The following ADGRG6 variants were observed in gnomAD, a reference collection of about 807,000 sequenced individuals.
ADGRG6 encodes the protein G-protein coupled receptor 126.
ADGRG6 carries 84 observed loss-of-function variants against 142.4 expected under a neutral mutation model. The observed-to-expected ratio is 0.59, with a 90% CI of 0.49 to 0.71. The LOEUF (loss-of-function observed/expected upper bound fraction) is 0.71, where lower values mean the gene tolerates loss of function less well. Ranked by LOEUF, ADGRG6 falls within the 30% of genes least tolerant of loss-of-function variation. The pLI, the probability that ADGRG6 is intolerant of heterozygous loss-of-function variation, is 0.00. For synonymous variants in ADGRG6, 521 were observed against 520.5 expected (o/e 1.00, Z -0.01); for missense variants, 1,367 against 1,466.6 (o/e 0.93, Z 1.11).
At chr6:142,359,866 C>T (rs544038966) in intron 2 of ADGRG6, among the ~76,000 whole-genome samples, 1 of 152,152 alleles carries the variant, frequency 6.6e-6, no homozygotes, top group South Asian at 2.1e-4. Context: ...CTTGTTGGAT[C>T]CCAGAGAAGA....
intron 1 of ADGRG6, 160 bp downstream of exon 1, chr6:142,302,491 G>T: frequency 2.9e-6 from 2 of 689,480 alleles, no homozygotes. Flanking sequence ...TGCCCCTCGA[G>T]GCACTGAGGA....
chr6:142,392,217 A>G (rs75071591), intron 7 of ADGRG6, among the ~76,000 whole-genome samples: 1 of 151,928 alleles, frequency 6.6e-6, no homozygotes, highest in Non-Finnish European at 1.5e-5. Context: ...CTAAATCACT[A>G]TTCGGAGATG....
rs112923600 is a variant in ADGRG6 at position 142,413,899 on chromosome 6, T to TCACACACACACACACACA, written c.2542-1049_2542-1032dup. ...CCTGAAACTAACCCACATTTCTTTATCACACACACACACACACACACACAC... is the reference window on the plus strand; with the variant it reads ...CCTGAAACTAACCCACATTTCTTTATCACACACACACACACACACACACACACACACACACACACACAC... On this transcript the variant is annotated intron_variant, in intron 18 of 24. Coordinates refer to ENST00000367609, the MANE Select transcript of ADGRG6 (RefSeq NM_198569.3). Among the ~76,000 whole-genome samples, 422 of 141,464 alleles carry TCACACACACACACACACA rather than the reference T, an allele frequency of 3.0e-3. 5 individuals carry two copies. Among genetic ancestry groups the TCACACACACACACACACA allele is most frequent in the East Asian group, 0.012 (56 of 4,762 alleles). 92.8% of individuals were successfully genotyped at this position (141,464 alleles called of 152,430 possible).
intron 22 of ADGRG6, among the ~76,000 whole-genome samples, chr6:142,432,196 A>T (rs918235046): frequency 6.6e-6 from 1 of 152,064 alleles, no homozygotes; most frequent in African/African-American, 2.4e-5. Context: ...ATTTCTTTCC[A>T]TATTGCTTGT....
intron 20 of ADGRG6, among the ~76,000 whole-genome samples, chr6:142,416,271 C>T (rs1776355281): frequency 1.3e-5 from 2 of 152,164 alleles, no homozygotes; most frequent in South Asian, 4.1e-4. Flanking sequence ...TCACTATATA[C>T]ACGAGTAAAG....
intron 9 of ADGRG6, among the ~76,000 whole-genome samples, chr6:142,394,725 A>C (rs542930217): frequency 6.6e-6 from 1 of 151,590 alleles, no homozygotes; most frequent in African/African-American, 2.4e-5. Flanking sequence ...GGGGCTACAC[A>C]CATGTGCTAG....
chr6:142,302,367 C>A, intron 1 of ADGRG6, 36 bp downstream of exon 1: 1 of 1,609,732 alleles, frequency 6.2e-7, no homozygotes, highest in South Asian at 1.1e-5. Flanking sequence ...TTCCTTCACT[C>A]TTTTATCTGT....
Position 142,393,963 on chromosome 6 carries a change from C to T in ADGRG6, c.1424+5C>T, listed in dbSNP as rs769717686. Reference sequence around the variant, plus strand: ...AAGCCTTGAGGATGAGCCAAGGTAACAGGACAAAGTATTGTAAAGAGTATA... The same window carrying T: ...AAGCCTTGAGGATGAGCCAAGGTAATAGGACAAAGTATTGTAAAGAGTATA... On this transcript the variant is annotated splice_donor_5th_base_variant and intron_variant, in intron 9 of 24. Coordinates refer to ENST00000367609, the MANE Select transcript of ADGRG6 (RefSeq NM_198569.3). 5 of 1,519,792 alleles carry T rather than the reference C, an allele frequency of 3.3e-6. No homozygotes were observed. Among genetic ancestry groups the T allele is most frequent in the Non-Finnish European group, 4.5e-6 (5 of 1,113,814 alleles). The allele number at this position is 1,519,792 out of a possible 1,614,324, so 94.1% of individuals were successfully genotyped here.
In ADGRG6 at chr6:142,402,628, A is replaced by G; in HGVS notation, c.1753A>G (p.Asn585Asp). Residue 585 changes from asparagine to aspartate, a missense_variant, in exon 13 of 25, where the codon AAT (asparagine) becomes GAT (aspartate). Asn to Asp is a conservative substitution (Grantham distance 23, BLOSUM62 1). Transcript: ENST00000367609. ...TTCTGCCTTTGTTTTAGAAGAAGCA[A>G]ATGAAGTTGCTAACCAGATTTTAAA... ...VDISNCLKEA[N>D]EVANQILNLT... The G allele has an allele frequency of 1.9e-6, 3 of 1,570,626 alleles. No individual in the cohort carries two copies. Among genetic ancestry groups the G allele is most frequent in the South Asian group, 1.1e-5 (1 of 87,934 alleles).
At chr6:142,342,758 A>G (rs1466999075) in intron 2 of ADGRG6, among the ~76,000 whole-genome samples, 2 of 152,090 alleles carry the variant, frequency 1.3e-5, no homozygotes, top group Admixed American at 1.3e-4. Context: ...AATCCATTTC[A>G]TTTGTAATCA....
chr6:142,373,742 C>T (rs149654944), intron 4 of ADGRG6, among the ~76,000 whole-genome samples: 8 of 152,280 alleles, frequency 5.3e-5, no homozygotes, highest in Admixed American at 1.3e-4. Flanking sequence ...TGAGGTCTCA[C>T]TGTGTTGTCA....
intron 2 of ADGRG6, among the ~76,000 whole-genome samples, chr6:142,315,908 A>AC (rs771832186): frequency 1.3e-5 from 2 of 152,074 alleles, no homozygotes; most frequent in Non-Finnish European, 2.9e-5. Flanking sequence ...GGTAGCTGTC[A>AC]CCAGTTCAGG....
At chr6:142,367,540 T>C in intron 2 of ADGRG6, 29 bp from the exon 3 acceptor site, 1 of 1,583,408 alleles carries the variant, frequency 6.3e-7, no homozygotes, top group Non-Finnish European at 8.7e-7. Context: ...CCAGCCCTTC[T>C]CTCTGTCTCT....
intron 17 of ADGRG6, 23 bp downstream of exon 17, chr6:142,409,942 T>A (rs757873853): frequency 5.0e-6 from 6 of 1,208,398 alleles, no homozygotes; most frequent in Non-Finnish European, 7.1e-6. Context: ...ATATTGGTTG[T>A]CTTAATATAG....
At chr6:142,318,915 A>G (rs577159335) in intron 2 of ADGRG6, among the ~76,000 whole-genome samples, 2 of 152,252 alleles carry the variant, frequency 1.3e-5, no homozygotes, top group South Asian at 2.1e-4. Context: ...GAGGACTTCC[A>G]GCCCAGCAGG....
At position 142,419,914 on chromosome 6, in the gene ADGRG6, A is replaced by G; in HGVS notation, c.3129A>G (p.Val1043=). 1.9e-6 allele frequency: 3 copies of G among 1,613,018 alleles called. No individual in the cohort carries two copies. The highest frequency in any genetic ancestry group is 2.5e-6 in the Non-Finnish European group (3 of 1,179,288). The part of the protein sequence containing the change: ...FFLNIAMFIV[V]MVQICGRNGK... The stretch of plus-strand genomic sequence containing the variant: ...TGAACATTGCCATGTTCATTGTGGT[A>G]ATGGTGCAGATCTGTGGGAGGAATG... The change falls in exon 22 of 25, where the codon GTA becomes GTG. Residue 1043 remains valine (V), a synonymous_variant. Coordinates refer to ENST00000367609, the MANE Select transcript of ADGRG6 (RefSeq NM_198569.3).
At position 142,419,803 on chromosome 6, in the gene ADGRG6, C is replaced by A. The variant is rs1253320109; in HGVS notation, c.3036-18C>A. ...TGGTAATAAATCTTTTTTTCTTTCTCATTTCTTCTTTTTTAAGCTGTTGGA... is the reference window on the plus strand; with the variant it reads ...TGGTAATAAATCTTTTTTTCTTTCTAATTTCTTCTTTTTTAAGCTGTTGGA... On this transcript the variant is annotated intron_variant, in intron 21 of 24. Coordinates refer to ENST00000367609, the MANE Select transcript of ADGRG6 (RefSeq NM_198569.3). 3 of 1,571,162 alleles carry A rather than the reference C, an allele frequency of 1.9e-6. No individual in the cohort carries two copies. Among genetic ancestry groups the A allele is most frequent in the African/African-American group, 2.8e-5 (2 of 72,660 alleles).
At chr6:142,359,165 C>T (rs1476376710) in intron 2 of ADGRG6, among the ~76,000 whole-genome samples, 1 of 146,152 alleles carries the variant, frequency 6.8e-6, no homozygotes, top group Non-Finnish European at 1.5e-5. Context: ...CATGATTGTA[C>T]CAGTGCACTC....
intron 2 of ADGRG6, among the ~76,000 whole-genome samples, chr6:142,341,492 AATATTAT>A (rs1562323832): frequency 1.7e-5 from 2 of 117,824 alleles, no homozygotes; most frequent in African/African-American, 6.6e-5. Flanking sequence ...TATACTATAT[AATATTAT>A]ATAGTATATA....
Sources: allele counts gnomAD v4.1 joint callset (sites outside exome capture counted in the v4.1 genomes callset), GRCh38; gene constraint gnomAD v4.1.1; transcripts MANE v1.5; gene names NCBI Gene and HGNC (gene_info 2026-07-23, HGNC 2026-07-21).